The following DLC1 variants were observed in gnomAD, a reference collection of about 807,000 sequenced individuals.
DLC1 encodes the protein DLC1 Rho GTPase activating protein.
Under a neutral mutation model 140.3 loss-of-function variants are expected in DLC1, and 54 were observed. The observed-to-expected ratio is 0.38, with a 90% confidence interval of 0.31 to 0.48. The LOEUF (loss-of-function observed/expected upper bound fraction) is 0.48, where lower values mean the gene tolerates loss of function less well. DLC1 is among the 20% of genes least tolerant of loss of function. The probability of loss-of-function intolerance (pLI) is 0.96; values close to 1 mark genes in which losing one functional copy is unlikely to be tolerated. For missense variants in DLC1, 2,536 were observed against 1,907.0 expected, an observed-to-expected ratio of 1.33 and a Z score of -6.14; for synonymous variants, 986 against 728.1, an observed-to-expected ratio of 1.35 and a Z score of -5.70.
intron 2 of DLC1, among the ~76,000 whole-genome samples, chr8:13,439,747 C>T (rs1427004894): frequency 1.3e-5 from 2 of 152,270 alleles, no homozygotes; most frequent in Admixed American, 6.5e-5. Flanking sequence ...ATGTCTCCTT[C>T]TGAGCCCTGT....
intron 4 of DLC1, among the ~76,000 whole-genome samples, chr8:13,321,353 C>T (rs1333228202): frequency 1.3e-5 from 2 of 151,882 alleles, no homozygotes; most frequent in African/African-American, 4.8e-5. Flanking sequence ...TCCTGGTCAA[C>T]ATGGTGAAAC....
chr8:13,085,416 CT>C lies in DLC1; in HGVS notation c.*394del, dbSNP rs574911052. The C allele has an allele frequency of 3.8e-4, 61 of 158,618 alleles. No homozygotes were observed. Among genetic ancestry groups the C allele is most frequent in the East Asian group, 7.2e-4 (4 of 5,560 alleles). The allele number at this position is 158,618 out of a possible 1,614,324, so 9.8% of individuals were successfully genotyped here. A position where few individuals can be genotyped will look rare whatever the true frequency, so the allele number is the denominator to read the frequency against. On this transcript the variant is annotated 3_prime_UTR_variant, in exon 18 of 18. Transcript: ENST00000276297. ...GAGAAAACACATCCAAGAGTACCAA[CT>C]ATTCCAGTGGATACACCAGTCCCTC...
At chr8:13,169,037 A>T (rs1259643221) in intron 5 of DLC1, among the ~76,000 whole-genome samples, 1 of 152,220 alleles carries the variant, frequency 6.6e-6, no homozygotes, top group Non-Finnish European at 1.5e-5. Flanking sequence ...GAAGTTTATT[A>T]TTCAGCCATA....
chr8:13,578,988 G>A (rs1021254474), intron 1 of DLC1, among the ~76,000 whole-genome samples: 3 of 151,556 alleles, frequency 2.0e-5, no homozygotes, highest in Admixed American at 6.6e-5. Context: ...GGTTCCTCTG[G>A]CAACCGGCTC....
At chr8:13,219,175 ATTATAT>A (rs1175795118) in intron 5 of DLC1, among the ~76,000 whole-genome samples, 13 of 118,306 alleles carry the variant, frequency 1.1e-4, no homozygotes, top group South Asian at 7.9e-4. Context: ...TAACTATATA[ATTATAT>A]GAATATAACT....
rs191454831 is a variant in DLC1 at position 13,217,695 on chromosome 8, G to A, written c.1348+87574C>T. The stretch of plus-strand genomic sequence containing the variant: ...TAAAAATACAAAAAAAAAATTAGCC[G>A]GGCGTGGTGGTGGGCACCTGTAGTC... On this transcript the variant is annotated intron_variant, in intron 5 of 17. Transcript: ENST00000276297. Among the ~76,000 whole-genome samples the A allele has an allele frequency of 1.8e-3, 269 of 151,926 alleles. 2 individuals carry two copies. Among genetic ancestry groups the A allele is most frequent in the African/African-American group, 5.3e-3 (219 of 41,422 alleles).
intron 1 of DLC1, among the ~76,000 whole-genome samples, chr8:13,565,211 A>G (rs749203193): frequency 3.5e-4 from 54 of 152,274 alleles, no homozygotes; most frequent in Middle Eastern, 3.4e-3. Flanking sequence ...TTCTAGGATA[A>G]AGTTATTTTT....
chr8:13,206,093 T>A (rs1827650764), intron 5 of DLC1, among the ~76,000 whole-genome samples: 2 of 152,170 alleles, frequency 1.3e-5, no homozygotes, highest in South Asian at 4.1e-4. Context: ...GCAAGACATT[T>A]TAAATATATT....
intron 4 of DLC1, among the ~76,000 whole-genome samples, chr8:13,311,121 T>C (rs1378156559): frequency 2.0e-5 from 3 of 152,196 alleles, no homozygotes; most frequent in African/African-American, 7.2e-5. Context: ...TCAGCTGATA[T>C]ACCATTAGTA....
chr8:13,392,617 A>ACTC (rs1364010954), intron 4 of DLC1, among the ~76,000 whole-genome samples: 1 of 152,178 alleles, frequency 6.6e-6, no homozygotes, highest in Non-Finnish European at 1.5e-5. Flanking sequence ...TTTTCACTAA[A>ACTC]CTAGGAAAGG....
In DLC1 at chr8:13,443,050, T is replaced by C. The variant is rs1316574335; in HGVS notation, c.1024-41431A>G. On this transcript the variant is annotated intron_variant, in intron 2 of 17. Transcript: ENST00000276297. ...TAAAAAAGGATGAGTTCATGTCCTT[T>C]GTAGGGACATGGATGAAGCTGGAAA... Among the ~76,000 whole-genome samples, 7 of 152,102 alleles carry C rather than the reference T, an allele frequency of 4.6e-5. No homozygotes were observed. In the East Asian group the frequency reaches 1.4e-3, roughly 29 times the overall value.
chr8:13,156,138 C>G (rs965849245), intron 5 of DLC1, among the ~76,000 whole-genome samples: 18 of 152,100 alleles, frequency 1.2e-4, no homozygotes, highest in African/African-American at 4.1e-4. Flanking sequence ...GATTAATAAT[C>G]TTTAAAATAG....
At chr8:13,532,576 C>G (rs1803135202) in intron 1 of DLC1, among the ~76,000 whole-genome samples, 1 of 142,700 alleles carries the variant, frequency 7.0e-6, no homozygotes, top group Non-Finnish European at 1.6e-5. Context: ...GGCTCTCTCT[C>G]TTTCTCTCTC....
chr8:13,472,988 C>G (rs1188886593), intron 2 of DLC1, among the ~76,000 whole-genome samples: 2 of 152,092 alleles, frequency 1.3e-5, no homozygotes, highest in African/African-American at 4.8e-5. Flanking sequence ...AAAGAAATAT[C>G]TACCTTTGAA....
At chr8:13,086,520 A>AATCG (rs1464440207) in intron 16 of DLC1, 57 bp from the exon 17 acceptor site, 1 of 1,589,728 alleles carries the variant, frequency 6.3e-7, no homozygotes, top group East Asian at 2.2e-5. Flanking sequence ...CCAAGTTTAA[A>AATCG]ATCGTGCTTC....
intron 1 of DLC1, among the ~76,000 whole-genome samples, chr8:13,595,217 AT>A (rs1455479858): frequency 3.3e-5 from 5 of 151,998 alleles, no homozygotes; most frequent in African/African-American, 1.2e-4. Context: ...GGCACATTTA[AT>A]TTTTTTTCCA....
At chr8:13,578,793 C>A (rs1034043677) in intron 1 of DLC1, among the ~76,000 whole-genome samples, 3 of 152,048 alleles carry the variant, frequency 2.0e-5, no homozygotes, top group Admixed American at 6.6e-5. Flanking sequence ...TCCAGGTACC[C>A]CCATGTGTTC....
chr8:13,115,450 G>T (rs1820468220), intron 6 of DLC1, 136 bp downstream of exon 6: 2 of 834,550 alleles, frequency 2.4e-6, no homozygotes, highest in Admixed American at 3.3e-5. Context: ...TGGGGGTCTT[G>T]CATGCTTACA....
chr8:13,092,541 A>G, intron 13 of DLC1, 71 bp downstream of exon 13: 1 of 1,520,410 alleles, frequency 6.6e-7, no homozygotes, highest in Non-Finnish European at 8.9e-7. Flanking sequence ...CCACAAAACC[A>G]CAGCTACGGA....
Sources: allele counts gnomAD v4.1 joint callset (sites outside exome capture counted in the v4.1 genomes callset), GRCh38; gene constraint gnomAD v4.1.1; transcripts MANE v1.5; gene names NCBI Gene and HGNC (gene_info 2026-07-23, HGNC 2026-07-21).